PTPRD: variants seen among roughly 807,000 people sequenced by gnomAD.
The protein encoded by PTPRD is protein tyrosine phosphatase receptor type D.
A neutral mutation model predicts 214.5 loss-of-function variants in PTPRD; 34 were observed. The observed-to-expected ratio is 0.16, with a 90% CI of 0.12 to 0.21. The LOEUF (loss-of-function observed/expected upper bound fraction) is 0.21. PTPRD is among the 10% of genes least tolerant of loss of function. The probability of loss-of-function intolerance (pLI) is 1.00; values close to 1 mark genes in which losing one functional copy is unlikely to be tolerated. For missense variants in PTPRD, 2,545 were observed against 2,398.7 expected (o/e 1.06, Z -1.27); for synonymous variants, 1,128 against 845.7 (o/e 1.33, Z -5.79).
At chr9:9,385,572 T>C (rs2063620681) in intron 9 of PTPRD, among the ~76,000 whole-genome samples, 1 of 152,132 alleles carries the variant, frequency 6.6e-6, no homozygotes, top group African/African-American at 2.4e-5. Context: ...ATTTCATCCA[T>C]AAACCTTCTA....
chr9:8,948,406 A>AATATAT (rs200142612), intron 11 of PTPRD, among the ~76,000 whole-genome samples: 1 of 57,140 alleles, frequency 1.8e-5, no homozygotes, highest in African/African-American at 6.7e-5. Flanking sequence ...TTGGGTTTAA[A>AATATAT]ATATATATAT....
intron 3 of PTPRD, among the ~76,000 whole-genome samples, chr9:10,251,147 A>G (rs1008764720): frequency 6.6e-6 from 1 of 152,162 alleles, no homozygotes; most frequent in African/African-American, 2.4e-5. Context: ...TATTAATTAA[A>G]TAACATGTTC....
At chr9:8,416,450 C>A (rs1299117741) in intron 35 of PTPRD, among the ~76,000 whole-genome samples, 1 of 152,164 alleles carries the variant, frequency 6.6e-6, no homozygotes, top group African/African-American at 2.4e-5. Context: ...CATTGAACTA[C>A]TTTCCAGGAA....
At chr9:10,401,004 C>A (rs942260263) in intron 2 of PTPRD, among the ~76,000 whole-genome samples, 4 of 151,522 alleles carry the variant, frequency 2.6e-5, no homozygotes, top group Non-Finnish European at 5.9e-5. Flanking sequence ...CCAATCAGGT[C>A]AAGACCCAAT....
At chr9:10,512,254 T>C (rs1310373166) in intron 2 of PTPRD, among the ~76,000 whole-genome samples, 1 of 150,902 alleles carries the variant, frequency 6.6e-6, no homozygotes, top group Non-Finnish European at 1.5e-5. Context: ...ACTGATAGAG[T>C]AAGTAATGAA....
At chr9:9,069,036 C>A (rs2099739915) in intron 10 of PTPRD, among the ~76,000 whole-genome samples, 1 of 152,068 alleles carries the variant, frequency 6.6e-6, no homozygotes. Context: ...ATAAAAAGCA[C>A]CCACTTAAGA....
At chr9:9,687,948 G>A (rs548458759) in intron 7 of PTPRD, among the ~76,000 whole-genome samples, 4 of 151,866 alleles carry the variant, frequency 2.6e-5, no homozygotes, top group Admixed American at 2.6e-4. Flanking sequence ...TGGATCATGG[G>A]GGCAGTTTCA....
chr9:8,714,669 A>G (rs1465620467), intron 12 of PTPRD, among the ~76,000 whole-genome samples: 2 of 151,924 alleles, frequency 1.3e-5, no homozygotes, highest in East Asian at 1.9e-4. Flanking sequence ...ACTCCTCCCC[A>G]TGGCTAACTT....
intron 37 of PTPRD, among the ~76,000 whole-genome samples, chr9:8,377,198 A>C (rs968035545): frequency 8.5e-5 from 13 of 152,154 alleles, no homozygotes; most frequent in Admixed American, 6.6e-4. Context: ...AAATCTATCA[A>C]AGTATAATAA....
At position 8,687,110 on chromosome 9, in the gene PTPRD, A is replaced by C. The variant is rs184913497; in HGVS notation, c.64+46670T>G. On this transcript the variant is annotated intron_variant, in intron 12 of 45. Transcript: ENST00000381196. Reference sequence around the variant, plus strand: ...ATGCTGGATACATTCTGAATGCAGCAAACACTAGACTCTCCTAAAAAATAT... The same window carrying C: ...ATGCTGGATACATTCTGAATGCAGCCAACACTAGACTCTCCTAAAAAATAT... Among the ~76,000 whole-genome samples the C allele has an allele frequency of 1.8e-3, 274 of 152,358 alleles. 1 individual carries two copies. The highest frequency in any genetic ancestry group is 0.017 in the Middle Eastern group (5 of 294).
intron 6 of PTPRD, among the ~76,000 whole-genome samples, chr9:9,749,327 C>G (rs1050439690): frequency 6.6e-6 from 1 of 152,096 alleles, no homozygotes; most frequent in Non-Finnish European, 1.5e-5. Context: ...GGGTATTAAG[C>G]CTTTTTGCCC....
chr9:8,640,592 G>C (rs1446155288), intron 12 of PTPRD, among the ~76,000 whole-genome samples: 2 of 146,112 alleles, frequency 1.4e-5, no homozygotes, highest in Non-Finnish European at 3.0e-5. Flanking sequence ...AACCTAAAAG[G>C]GCTCTTAAAT....
At chr9:10,082,838 CAA>C (rs1491480320) in intron 3 of PTPRD, among the ~76,000 whole-genome samples, 5 of 119,572 alleles carry the variant, frequency 4.2e-5, no homozygotes, top group African/African-American at 1.2e-4. Flanking sequence ...CACACACACA[CAA>C]ACACACACAC....
intron 11 of PTPRD, among the ~76,000 whole-genome samples, chr9:8,769,777 G>A (rs1018306981): frequency 6.6e-6 from 1 of 150,716 alleles, no homozygotes; most frequent in African/African-American, 2.4e-5. Flanking sequence ...GAGAGTTTTT[G>A]CTTGTAAATA....
chr9:10,299,003 G>A (rs1241061015), intron 3 of PTPRD, among the ~76,000 whole-genome samples: 1 of 151,986 alleles, frequency 6.6e-6, no homozygotes, highest in Non-Finnish European at 1.5e-5. Context: ...CTACCTCACT[G>A]TCACTACATT....
At chr9:10,020,387 C>T (rs2096825985) in intron 4 of PTPRD, among the ~76,000 whole-genome samples, 3 of 148,042 alleles carry the variant, frequency 2.0e-5, no homozygotes, top group Non-Finnish European at 3.0e-5. Flanking sequence ...CTGCGACCTC[C>T]ACTTCTCGGG....
At chr9:9,698,944 C>A (rs1349640967) in intron 7 of PTPRD, among the ~76,000 whole-genome samples, 1 of 152,128 alleles carries the variant, frequency 6.6e-6, no homozygotes, top group Non-Finnish European at 1.5e-5. Context: ...TGATATATTG[C>A]TAGAAGTTCG....
chr9:10,196,866 G>A (rs955299775), intron 3 of PTPRD, among the ~76,000 whole-genome samples: 5 of 152,038 alleles, frequency 3.3e-5, no homozygotes, highest in Non-Finnish European at 7.4e-5. Flanking sequence ...CTATGAATAG[G>A]ACTAGTGTTT....
rs899630036 is a variant in PTPRD, at chr9:9,180,818, C to T, written c.-143+2486G>A. On this transcript the variant is annotated intron_variant, in intron 10 of 45. Coordinates refer to ENST00000381196, the MANE Select transcript of PTPRD (RefSeq NM_002839.4). ...CCTAAATAAAGTGTATTGAGCTTCACCCAAGTGTCTGACAACATGTCTTAC... is the reference window on the plus strand; with the variant it reads ...CCTAAATAAAGTGTATTGAGCTTCATCCAAGTGTCTGACAACATGTCTTAC... Among the ~76,000 whole-genome samples the T allele has an allele frequency of 1.4e-4, 22 of 152,030 alleles. 1 individual carries two copies. The highest frequency in any genetic ancestry group is 4.8e-4 in the African/African-American group (20 of 41,422).
Sources: allele counts gnomAD v4.1 joint callset (sites outside exome capture counted in the v4.1 genomes callset), GRCh38; gene constraint gnomAD v4.1.1; transcripts MANE v1.5; gene names NCBI Gene and HGNC (gene_info 2026-07-23, HGNC 2026-07-21).